TUBGCP5: variants seen among roughly 807,000 people sequenced by gnomAD.
TUBGCP5 encodes gamma-tubulin complex component 5.
A neutral mutation model predicts 134.7 loss-of-function variants in TUBGCP5; 98 were observed. The observed-to-expected ratio is 0.73, with a 90% CI of 0.62 to 0.86. TUBGCP5 has a LOEUF of 0.86. Among genes scored for constraint, TUBGCP5 ranks in the 40% least tolerant of loss-of-function variants. TUBGCP5 has a pLI of 0.00. For synonymous variants in TUBGCP5, 456 were observed against 431.4 expected (o/e 1.06, Z -0.71); for missense variants, 1,150 against 1,244.8 (o/e 0.92, Z 1.15).
rs1184493504 is a variant in TUBGCP5 at position 23,011,164 on chromosome 15, G to A, written c.1924C>T (p.His642Tyr). 2.5e-6 allele frequency: 4 copies of A among 1,614,032 alleles called. No homozygotes were observed. In the South Asian group the frequency reaches 4.4e-5, roughly 18 times the overall value. The change falls in exon 14 of 23, where the codon CAT (histidine) becomes TAT (tyrosine). Residue 642 changes from histidine (H) to tyrosine (Y), a missense_variant. His to Tyr is a moderately conservative substitution (Grantham distance 83). Transcript: ENST00000615383. The part of the protein sequence containing the change: ...AESHLELDDV[H>Y]DPLLAINFAR... The stretch of plus-strand genomic sequence containing the variant: ...AAGTTAATGGCAAGCAGTGGATCAT[G>A]AACATCATCCAGTTCAAGATGGCTT...
At chr15:23,003,347 A>C (rs1362506282) in intron 20 of TUBGCP5, among the ~76,000 whole-genome samples, 194 bp from the exon 21 acceptor site, 1 of 152,244 alleles carries the variant, frequency 6.6e-6, no homozygotes, top group Non-Finnish European at 1.5e-5. Flanking sequence ...AATGTAAGAT[A>C]CAAGTGATAT....
At chr15:23,001,406 C>T (rs2064363861) in intron 21 of TUBGCP5, among the ~76,000 whole-genome samples, 1 of 151,258 alleles carries the variant, frequency 6.6e-6, no homozygotes, top group Admixed American at 6.6e-5. Flanking sequence ...ATGTAGCGAT[C>T]TCGGCTCACC....
chr15:23,026,882 A>G (rs541452437), intron 7 of TUBGCP5, among the ~76,000 whole-genome samples: 2 of 152,136 alleles, frequency 1.3e-5, no homozygotes, highest in Non-Finnish European at 2.9e-5. Context: ...ACAGTGAGCC[A>G]TGATTACGCC....
chr15:22,990,274 TCTC>T (rs2063808042), intron 23 of TUBGCP5, among the ~76,000 whole-genome samples: 1 of 149,144 alleles, frequency 6.7e-6, no homozygotes, highest in Non-Finnish European at 1.5e-5. Flanking sequence ...CTTCCATCTC[TCTC>T]CTCCTCCTGC....
At position 23,011,231 on chromosome 15, in the gene TUBGCP5, C is replaced by A. The variant is rs200951085; in HGVS notation, c.1857G>T (p.Gln619His). 5.9e-5 allele frequency: 95 copies of A among 1,613,794 alleles called. No homozygotes were observed. Among genetic ancestry groups the A allele is most frequent in the Non-Finnish European group, 7.0e-5 (83 of 1,179,992 alleles). Residue 619 changes from glutamine (Q) to histidine (H), a missense_variant, in exon 14 of 23, where the codon CAG becomes CAT. Gln to His is a conservative substitution (Grantham distance 24). This residue lies in a region of TUBGCP5 where 697 missense variants were observed against 850.1 expected (regional missense o/e 0.82). Transcript: ENST00000615383. ...TCTTCATCAGGTTCTCCTTGGTTGC[C>A]TGTTGCTCAGTAAGAACCTGTGGAG... ...DSTPQVLTEQ[Q>H]ATKENLMKMQ...
intron 16 of TUBGCP5, among the ~76,000 whole-genome samples, chr15:23,007,903 G>A (rs945358986): frequency 2.6e-5 from 4 of 152,122 alleles, no homozygotes; most frequent in African/African-American, 9.7e-5. Flanking sequence ...GTGAGGCTGA[G>A]AGACACAGAG....
At chr15:23,017,693 A>C (rs979012516) in intron 13 of TUBGCP5, 80 bp downstream of exon 13, 5 of 1,383,424 alleles carry the variant, frequency 3.6e-6, no homozygotes, top group Non-Finnish European at 4.8e-6. Context: ...ACTACAAAAT[A>C]ATTAGGTATC....
chr15:22,992,114 G>C (rs981649396), intron 23 of TUBGCP5, among the ~76,000 whole-genome samples: 1 of 152,130 alleles, frequency 6.6e-6, no homozygotes, highest in African/African-American at 2.4e-5. Flanking sequence ...GCAGTCGTAC[G>C]ACCTGACAGT....
chr15:22,995,475 C>A (rs1229137724), downstream of TUBGCP5, among the ~76,000 whole-genome samples: 1 of 151,504 alleles, frequency 6.6e-6, no homozygotes, highest in East Asian at 1.9e-4. Flanking sequence ...ACCTAAGAAA[C>A]CTCCTGGGAT....
intron 13 of TUBGCP5, among the ~76,000 whole-genome samples, chr15:23,014,413 T>C (rs1050186226): frequency 6.6e-6 from 1 of 152,208 alleles, no homozygotes; most frequent in Non-Finnish European, 1.5e-5. Context: ...CAGGCCTGCA[T>C]ACTGGGCCTG....
chr15:23,030,539 C>T (rs530959317), intron 6 of TUBGCP5, among the ~76,000 whole-genome samples: 6 of 148,680 alleles, frequency 4.0e-5, no homozygotes, highest in African/African-American at 9.9e-5. Flanking sequence ...GACAGGGTCT[C>T]GCTCTGTTGC....
At chr15:23,007,282 C>T (rs1346080953) in intron 16 of TUBGCP5, among the ~76,000 whole-genome samples, 4 of 152,064 alleles carry the variant, frequency 2.6e-5, no homozygotes, top group Admixed American at 2.0e-4. Flanking sequence ...CCCAGCAACT[C>T]GGGAGGCTGA....
At chr15:22,998,300 G>C (rs1332777163), downstream of TUBGCP5, among the ~76,000 whole-genome samples, 1 of 152,164 alleles carries the variant, frequency 6.6e-6, no homozygotes, top group African/African-American at 2.4e-5. Flanking sequence ...AGGTAACAGA[G>C]TGAGCCTCCA....
intron 23 of TUBGCP5, among the ~76,000 whole-genome samples, chr15:22,991,329 C>G (rs1031494364): frequency 6.6e-6 from 1 of 152,150 alleles, no homozygotes; most frequent in Non-Finnish European, 1.5e-5. Context: ...CTCATGACCT[C>G]AGGTGATCCG....
rs987724048 is a variant in TUBGCP5, at chr15:23,001,816, C to T, written c.2928-1147G>A. Among the ~76,000 whole-genome samples, 5 of 152,250 alleles carry T rather than the reference C, an allele frequency of 3.3e-5. No homozygotes were observed. In the East Asian group the frequency reaches 7.7e-4, roughly 23 times the overall value. ...GCAAACAGGAGACATCAGAGCACCA[C>T]AGTCATGAATATTTCATAAGTATAA... On this transcript the variant is annotated intron_variant, in intron 21 of 22. Transcript: ENST00000615383.
chr15:23,035,849 C>T (rs1045872753), intron 3 of TUBGCP5, among the ~76,000 whole-genome samples: 4 of 152,312 alleles, frequency 2.6e-5, no homozygotes, highest in African/African-American at 9.6e-5. Context: ...ATTCCCTCAA[C>T]AAACATGCAC....
intron 13 of TUBGCP5, among the ~76,000 whole-genome samples, chr15:23,016,525 TG>T (rs1367386770): frequency 3.4e-5 from 5 of 147,718 alleles, no homozygotes; most frequent in African/African-American, 4.9e-5. Flanking sequence ...GCAAATGATC[TG>T]AACAGACATT....
intron 9 of TUBGCP5, 66 bp downstream of exon 9, chr15:23,024,661 GTAAAATGTTC>G: frequency 1.2e-6 from 1 of 815,046 alleles, no homozygotes; most frequent in Admixed American, 2.7e-5. Flanking sequence ...TTTTAATATT[GTAAAATGTTC>G]TAAAATTATA....
rs142189359 is a variant in TUBGCP5 at position 23,022,048 on chromosome 15, G to C, written c.1282C>G (p.Arg428Gly). The change falls in exon 11 of 23, where the codon CGA (arginine) becomes GGA (glycine). Residue 428 changes from arginine (R) to glycine (G), a missense_variant. Arg to Gly is a moderately radical substitution (Grantham distance 125). Around this residue, in one of 2 missense-constraint regions of TUBGCP5, gnomAD observed 697 missense variants for 850.1 expected, o/e 0.82. Coordinates refer to ENST00000615383, the MANE Select transcript of TUBGCP5 (RefSeq NM_052903.6). Reference sequence around the variant, plus strand: ...AGGTGAGAGGCCCGGACGACATTTCGAGTATCAGGTGGAACTTCTGCTACT... The same window carrying C: ...AGGTGAGAGGCCCGGACGACATTTCCAGTATCAGGTGGAACTTCTGCTACT... ...TGVAEVPPDTRNVVRASHLLN... is the reference protein window; with the variant it reads ...TGVAEVPPDTGNVVRASHLLN... 30 of 1,614,146 alleles carry C rather than the reference G, an allele frequency of 1.9e-5. No homozygotes were observed. The African/African-American group carries it at 2.8e-4, about 15-fold the overall frequency.
Sources: allele counts gnomAD v4.1 joint callset (sites outside exome capture counted in the v4.1 genomes callset), GRCh38; gene constraint gnomAD v4.1.1; regional missense constraint gnomAD v4.1.1; transcripts MANE v1.5; gene names NCBI Gene and HGNC (gene_info 2026-07-23, HGNC 2026-07-21).